NELL1: variants seen among roughly 807,000 people sequenced by gnomAD.
The protein encoded by NELL1 is neural EGFL like 1.
In NELL1, 76 loss-of-function variants were observed where a neutral mutation model predicts 107.4. The ratio of observed to expected loss-of-function variants is 0.71; its 90% confidence interval spans 0.59 to 0.86. The LOEUF is 0.86. Ranked by LOEUF, NELL1 falls within the 40% of genes least tolerant of loss-of-function variation. NELL1 has a pLI of 0.00. For synonymous variants in NELL1, 353 were observed against 341.2 expected (o/e 1.03, Z -0.38); for missense variants, 1,024 against 1,005.5 (o/e 1.02, Z -0.25).
At chr11:21,232,632 C>G (rs1169172801) in intron 14 of NELL1, among the ~76,000 whole-genome samples, 1 of 152,120 alleles carries the variant, frequency 6.6e-6, no homozygotes, top group Non-Finnish European at 1.5e-5. Flanking sequence ...AACCAGACAA[C>G]TTGAACTAAG....
chr11:21,068,259 T>C (rs1379454622), intron 12 of NELL1, among the ~76,000 whole-genome samples: 10 of 152,228 alleles, frequency 6.6e-5, no homozygotes, highest in Non-Finnish European at 1.5e-4. Flanking sequence ...GTGCATATCA[T>C]GTGGTATGTT....
chr11:21,105,808 CT>C (rs1854943495), intron 12 of NELL1, among the ~76,000 whole-genome samples: 1 of 58,078 alleles, frequency 1.7e-5, no homozygotes, highest in Admixed American at 1.8e-4. Flanking sequence ...TTCCCCTTCC[CT>C]CCTCTCCCCT....
intron 2 of NELL1, among the ~76,000 whole-genome samples, chr11:20,779,869 A>G (rs1018829295): frequency 2.0e-5 from 3 of 152,240 alleles, no homozygotes; most frequent in Non-Finnish European, 4.4e-5. Context: ...TGTGAGGTTC[A>G]GAGAGGTAAG....
At chr11:20,736,734 C>T (rs183521266) in intron 2 of NELL1, among the ~76,000 whole-genome samples, 159 of 151,520 alleles carry the variant, frequency 1.0e-3, no homozygotes, top group African/African-American at 3.7e-3. Context: ...CCCTACCCTC[C>T]TCCCCTCCCC....
chr11:21,340,813 C>T (rs1391679930), intron 14 of NELL1, among the ~76,000 whole-genome samples: 1 of 152,118 alleles, frequency 6.6e-6, no homozygotes, highest in African/African-American at 2.4e-5. Flanking sequence ...TCAGAAGGAA[C>T]CAACCCTGTT....
intron 5 of NELL1, among the ~76,000 whole-genome samples, chr11:20,902,165 G>T (rs554434263): frequency 6.6e-6 from 1 of 151,986 alleles, no homozygotes; most frequent in African/African-American, 2.4e-5. Context: ...ATACTGATGG[G>T]TTTACTGCAT....
intron 4 of NELL1, among the ~76,000 whole-genome samples, chr11:20,864,449 A>C (rs1263612277): frequency 6.6e-6 from 1 of 152,224 alleles, no homozygotes; most frequent in Non-Finnish European, 1.5e-5. Context: ...TTTGACCGAC[A>C]TCTCCTTATC....
intron 2 of NELL1, among the ~76,000 whole-genome samples, chr11:20,712,324 A>C (rs919268357): frequency 6.6e-5 from 10 of 151,590 alleles, no homozygotes; most frequent in African/African-American, 2.2e-4. Flanking sequence ...TATGGTATCT[A>C]TTTCTCTGGA....
At chr11:20,931,528 A>G (rs940715686) in intron 9 of NELL1, among the ~76,000 whole-genome samples, 28 of 152,226 alleles carry the variant, frequency 1.8e-4, no homozygotes, top group African/African-American at 6.3e-4. Context: ...TCAAAATATC[A>G]TGCTGTAGAC....
chr11:21,068,143 GTGTCT>G (rs1853925333), intron 12 of NELL1, among the ~76,000 whole-genome samples: 1 of 149,670 alleles, frequency 6.7e-6, no homozygotes, highest in African/African-American at 2.5e-5. Context: ...ATTCATTCTG[GTGTCT>G]AGTGGCCTTT....
chr11:20,777,423 C>T (rs1230200144), intron 2 of NELL1, among the ~76,000 whole-genome samples: 7 of 152,274 alleles, frequency 4.6e-5, no homozygotes, highest in Admixed American at 1.3e-4. Context: ...ATGAAAGTCC[C>T]TTACACGTTA....
intron 12 of NELL1, among the ~76,000 whole-genome samples, chr11:21,029,236 T>C (rs1415577856): frequency 6.6e-6 from 1 of 151,706 alleles, no homozygotes; most frequent in Non-Finnish European, 1.5e-5. Flanking sequence ...AAGTATGGAG[T>C]TCTTCTTAGG....
At chr11:20,999,296 C>A (rs1019511356) in intron 12 of NELL1, among the ~76,000 whole-genome samples, 2 of 152,146 alleles carry the variant, frequency 1.3e-5, no homozygotes, top group African/African-American at 2.4e-5. Flanking sequence ...ATTTGGGACT[C>A]CATTAAGCTT....
At chr11:20,897,427 T>G (rs1203352547) in intron 5 of NELL1, among the ~76,000 whole-genome samples, 1 of 152,094 alleles carries the variant, frequency 6.6e-6, no homozygotes, top group Non-Finnish European at 1.5e-5. Flanking sequence ...ATGGATTAAA[T>G]ATTTAAATGT....
intron 12 of NELL1, among the ~76,000 whole-genome samples, chr11:21,051,407 G>A (rs996874443): frequency 2.0e-5 from 3 of 151,836 alleles, no homozygotes; most frequent in African/African-American, 7.3e-5. Context: ...GGGGCTCAGG[G>A]ATAAAAGACT....
intron 3 of NELL1, among the ~76,000 whole-genome samples, chr11:20,841,227 A>T (rs1848616733): frequency 6.6e-6 from 1 of 151,788 alleles, no homozygotes; most frequent in Non-Finnish European, 1.5e-5. Flanking sequence ...AGGCCTCAGA[A>T]TTCTCCACTG....
chr11:21,407,478 T>C (rs1188080622), intron 15 of NELL1, among the ~76,000 whole-genome samples: 2 of 151,942 alleles, frequency 1.3e-5, no homozygotes, highest in African/African-American at 4.8e-5. Context: ...TCAGTACCCC[T>C]AGGTTATAGT....
intron 13 of NELL1, among the ~76,000 whole-genome samples, chr11:21,160,127 A>G (rs1856329909): frequency 6.6e-6 from 1 of 152,236 alleles, no homozygotes; most frequent in African/African-American, 2.4e-5. Context: ...ATCTACTCAA[A>G]GAATACAAAG....
In NELL1 at chr11:21,326,261, T is replaced by G. The variant is rs184995866; in HGVS notation, c.1550-44592T>G. Among the ~76,000 whole-genome samples, 55 of 151,642 alleles carry G rather than the reference T, an allele frequency of 3.6e-4. No individual in the cohort carries two copies. The East Asian group carries it at 7.6e-3, about 21-fold the overall frequency. On this transcript the variant is annotated intron_variant, in intron 14 of 19. Coordinates refer to ENST00000357134, the MANE Select transcript of NELL1 (RefSeq NM_006157.5). ...GAATAGTTTTTACTATTCCACTTTA[T>G]CTACACTATTGGCTTATTGGCTGTA... is the stretch of plus-strand genomic sequence containing the variant.
Sources: allele counts gnomAD v4.1 joint callset (sites outside exome capture counted in the v4.1 genomes callset), GRCh38; gene constraint gnomAD v4.1.1; transcripts MANE v1.5; gene names NCBI Gene and HGNC (gene_info 2026-07-23, HGNC 2026-07-21).